Variants in PTPRS observed in about 807,000 individuals in gnomAD.
The protein encoded by PTPRS is protein tyrosine phosphatase receptor type S.
PTPRS carries 63 observed loss-of-function variants against 215.3 expected under a neutral mutation model. The ratio of observed to expected loss-of-function variants is 0.29; its 90% CI spans 0.24 to 0.36. PTPRS has a LOEUF of 0.36. Among genes scored for constraint, PTPRS ranks in the 10% least tolerant of loss-of-function variants. The pLI, the probability that PTPRS is intolerant of heterozygous loss-of-function variation, is 1.00. For synonymous variants in PTPRS, 1,404 were observed against 1,191.4 expected (o/e 1.18, Z -3.68); for missense variants, 2,258 against 2,825.8 (o/e 0.80, Z 4.56).
In PTPRS at chr19:5,215,430, A is replaced by G; in HGVS notation, c.4195-18T>C. On this transcript the variant is annotated intron_variant, in intron 27 of 37. Coordinates refer to ENST00000262963, the MANE Select transcript of PTPRS (RefSeq NM_002850.4). ...TCGATGGACTACAGAGGAAGGGGAG[A>G]GCGCGGGTGTCAGGGTAGGTGCCTG... 1 of 1,592,888 alleles carries G rather than the reference A, an allele frequency of 6.3e-7. No homozygotes were observed. Among genetic ancestry groups the G allele is most frequent in the Non-Finnish European group, 8.6e-7 (1 of 1,167,920 alleles).
chr19:5,229,721 C>CCGTT, intron 14 of PTPRS, 37 bp from the exon 15 acceptor site: 2 of 1,208,702 alleles, frequency 1.7e-6, no homozygotes, highest in African/African-American at 3.2e-5. Flanking sequence ...GCGGGCGGAG[C>CCGTT]CGTTACCAGG....
At chr19:5,288,035 AG>A (rs1053394807) in intron 1 of PTPRS, among the ~76,000 whole-genome samples, 5 of 151,590 alleles carry the variant, frequency 3.3e-5, no homozygotes, top group African/African-American at 4.9e-5. Flanking sequence ...ACTTGCACAT[AG>A]TCAGACCACA....
At chr19:5,323,158 A>G (rs1479692227) in intron 1 of PTPRS, among the ~76,000 whole-genome samples, 1 of 152,048 alleles carries the variant, frequency 6.6e-6, no homozygotes, top group African/African-American at 2.4e-5. Context: ...GGAGTTTGAG[A>G]CCAGCCTGAC....
At chr19:5,227,235 A>AG (rs1395813906) in intron 16 of PTPRS, among the ~76,000 whole-genome samples, 1 of 151,906 alleles carries the variant, frequency 6.6e-6, no homozygotes, top group Non-Finnish European at 1.5e-5. Flanking sequence ...TATTTTTTGT[A>AG]GAGATGGGAT....
At chr19:5,255,309 G>A (rs1272133488) in intron 9 of PTPRS, among the ~76,000 whole-genome samples, 2 of 152,216 alleles carry the variant, frequency 1.3e-5, no homozygotes, top group African/African-American at 2.4e-5. Context: ...TTGTGCCTAA[G>A]TGGTCACTTT....
At position 5,223,117 on chromosome 19, in the gene PTPRS, G is replaced by A. The variant is rs757862631; in HGVS notation, c.2675C>T (p.Ala892Val). The A allele has an allele frequency of 7.6e-6, 12 of 1,569,612 alleles. No individual in the cohort carries two copies. Among genetic ancestry groups the A allele is most frequent in the Non-Finnish European group, 1.0e-5 (12 of 1,158,124 alleles). ...EFPPSEDRYT[A>V]SGVHKGATYV... ...CGTGGCCCCCTTGTGCACGCCTGAT[G>A]CCGTGTAGCGGTCCTCGGAGGGCGG... The change falls in exon 18 of 38, where the codon GCA becomes GTA. Residue 892 changes from alanine (A) to valine (V), a missense_variant. Ala to Val is a moderately conservative substitution (Grantham distance 64). Coordinates refer to ENST00000262963, the MANE Select transcript of PTPRS (RefSeq NM_002850.4).
chr19:5,250,921 C>T (rs1277882137), intron 9 of PTPRS: 4 of 112,170 alleles, frequency 3.6e-5, no homozygotes, highest in East Asian at 2.9e-4. Flanking sequence ...TTCAGCAAGC[C>T]GCAGCTCCAA....
intron 35 of PTPRS, among the ~76,000 whole-genome samples, chr19:5,209,781 C>T (rs1452963906): frequency 6.6e-6 from 1 of 152,178 alleles, no homozygotes; most frequent in Non-Finnish European, 1.5e-5. Context: ...CAGATTCCAC[C>T]CCTCCAAGGG....
At position 5,222,698 on chromosome 19, in the gene PTPRS, G is replaced by A. The variant is rs766862256; in HGVS notation, c.3094C>T (p.Arg1032Trp). Residue 1032 changes from arginine (R) to tryptophan (W), a missense_variant, in exon 18 of 38, where the codon CGG becomes TGG. Physicochemically the swap from Arg to Trp is moderately radical, Grantham distance 101 (BLOSUM62 -3). Transcript: ENST00000262963. ...GTCGCCGCGCGCCTACCTTGGTCCC[G>A]CAGGAACGTCCGGTAGCGGACGGGG... ...SPPVRYRTFL[R>W]DQVSPKNFKV... 1.4e-5 allele frequency: 22 copies of A among 1,585,926 alleles called. No individual in the cohort carries two copies. The highest frequency in any genetic ancestry group is 6.9e-5 in the Admixed American group (4 of 58,312).
intron 2 of PTPRS, among the ~76,000 whole-genome samples, chr19:5,282,794 T>G (rs2047973498): frequency 7.2e-6 from 1 of 138,936 alleles, no homozygotes; most frequent in South Asian, 2.3e-4. Context: ...CAAGACTTCA[T>G]CTCAAAAAAA....
rs1035903725 is a variant in PTPRS at position 5,219,388 on chromosome 19, C to T, written c.3845G>A (p.Gly1282Glu). Residue 1282 changes from glycine (G) to glutamate (E), a missense_variant, in exon 23 of 38, where the codon GGG (glycine) becomes GAG (glutamate). Coordinates refer to ENST00000262963, the MANE Select transcript of PTPRS (RefSeq NM_002850.4). ...DPQPIVDGEE[G>E]LIWVIGPVLA... ...CACAGGCCCGATCACCCAGATAAGC[C>T]CCTCCTCGCCATCCACGATGGGCTG... 2 of 1,613,672 alleles carry T rather than the reference C, an allele frequency of 1.2e-6. No individual in the cohort carries two copies. The highest frequency in any genetic ancestry group is 8.5e-7 in the Non-Finnish European group (1 of 1,179,900).
chr19:5,297,641 T>A (rs912843068), intron 1 of PTPRS, among the ~76,000 whole-genome samples: 2 of 152,086 alleles, frequency 1.3e-5, no homozygotes, highest in Non-Finnish European at 2.9e-5. Flanking sequence ...TGGGGGAGCC[T>A]CTTAGAAGTG....
intron 9 of PTPRS, among the ~76,000 whole-genome samples, chr19:5,249,749 A>C (rs1379682517): frequency 2.0e-5 from 3 of 152,248 alleles, no homozygotes; most frequent in Non-Finnish European, 4.4e-5. Flanking sequence ...ATCATAATAA[A>C]TGTCCAGAAG....
At chr19:5,308,354 C>T (rs2049571252) in intron 1 of PTPRS, among the ~76,000 whole-genome samples, 1 of 152,120 alleles carries the variant, frequency 6.6e-6, no homozygotes, top group Admixed American at 6.6e-5. Flanking sequence ...GATAAATGCC[C>T]GTCTAATCAT....
intron 18 of PTPRS, 57 bp from the exon 19 acceptor site, chr19:5,222,277 G>A: frequency 7.0e-7 from 1 of 1,427,978 alleles, no homozygotes; most frequent in Non-Finnish European, 9.9e-7. Context: ...ATGAGTGCCT[G>A]GCACTGGGTG....
At chr19:5,215,111 T>A (rs2041300634) in intron 28 of PTPRS, among the ~76,000 whole-genome samples, 178 bp downstream of exon 28, 1 of 152,158 alleles carries the variant, frequency 6.6e-6, no homozygotes, top group Admixed American at 6.5e-5. Context: ...GATGAAGCCA[T>A]GTTAGAGAGA....
chr19:5,320,542 C>A (rs2049999534), intron 1 of PTPRS, among the ~76,000 whole-genome samples: 1 of 152,194 alleles, frequency 6.6e-6, no homozygotes, highest in African/African-American at 2.4e-5. Context: ...CTGCCTCAGC[C>A]TCCCAAGTAG....
chr19:5,331,125 TTTTAA>T (rs2050309874), intron 1 of PTPRS, among the ~76,000 whole-genome samples: 1 of 78,772 alleles, frequency 1.3e-5, no homozygotes, highest in African/African-American at 8.9e-5. Flanking sequence ...GGGCTTCTTT[TTTTAA>T]AAAAAAAAAA....
Position 5,216,729 on chromosome 19 carries a change from G to A in PTPRS, c.4087C>T (p.His1363Tyr), listed in dbSNP as rs2145202138. 3.8e-6 allele frequency: 6 copies of A among 1,574,414 alleles called. No homozygotes were observed. The highest frequency in any genetic ancestry group is 5.2e-6 in the Non-Finnish European group (6 of 1,158,406). ...LRSPLREPGF[H>Y]FESMLSHPPI... The stretch of plus-strand genomic sequence containing the variant: ...AGACACAAGAACTAACTTTCAAAGT[G>A]AAACCCCGGCTCCCTGAGGGGGCTC... Residue 1363 changes from histidine (H) to tyrosine (Y), a missense_variant, in exon 26 of 38, where the codon CAC becomes TAC. By Grantham distance (83) the His-to-Tyr change is moderately conservative (BLOSUM62 2). Around this residue, in one of 6 missense-constraint regions of PTPRS, gnomAD observed 927 missense variants for 1,125.9 expected, o/e 0.82. Coordinates refer to ENST00000262963, the MANE Select transcript of PTPRS (RefSeq NM_002850.4).
Sources: gnomAD v4.1 joint callset for allele counts (sites outside exome capture counted in the v4.1 genomes callset) on GRCh38, gnomAD v4.1.1 for gene constraint, gnomAD v4.1.1 regional missense constraint, MANE v1.5 for transcripts, NCBI Gene and HGNC (gene_info 2026-07-23, HGNC 2026-07-21) for gene names.